Variants in PRP4K observed in about 807,000 individuals in gnomAD.
The protein encoded by PRP4K is pre-mRNA processing factor kinase PRP4K, also known as serine/threonine-protein kinase PRP4 homolog.
the PRP4K span, among the ~76,000 whole-genome samples, chr6:4,045,151 G>A: frequency 6.6e-6 from 1 of 152,146 alleles, no homozygotes; most frequent in Admixed American, 6.5e-5. Flanking sequence ...GAGCCACCAC[G>A]CCCAGCTGAC....
the PRP4K span, chr6:4,058,637 C>G: frequency 1.1e-6 from 1 of 926,660 alleles, no homozygotes; most frequent in East Asian, 2.6e-5. Context: ...GACTAAATAA[C>G]ATACTTATTT....
At chr6:4,029,338 A>C in the PRP4K span, among the ~76,000 whole-genome samples, 2 of 100,478 alleles carry the variant, frequency 2.0e-5, no homozygotes, top group Non-Finnish European at 3.9e-5. Flanking sequence ...GGTGTTACTC[A>C]ATTTTTTTTT....
chr6:4,049,072 C>T, the PRP4K span: 1 of 1,612,662 alleles, frequency 6.2e-7, no homozygotes, highest in Non-Finnish European at 8.5e-7. Flanking sequence ...ATCCCAACCT[C>T]AGAGATAACT....
chr6:4,029,573 G>A, the PRP4K span, among the ~76,000 whole-genome samples: 3 of 151,872 alleles, frequency 2.0e-5, no homozygotes, highest in South Asian at 2.1e-4. Flanking sequence ...GGCTTGTCTC[G>A]AACTCCTGGG....
chr6:4,039,795 C>T, the PRP4K span, among the ~76,000 whole-genome samples: 8 of 152,142 alleles, frequency 5.3e-5, no homozygotes, highest in African/African-American at 1.7e-4. Flanking sequence ...TATCATCTCT[C>T]TTGACATTCT....
chr6:4,061,891 C>A, the PRP4K span: 1 of 152,538 alleles, frequency 6.6e-6, no homozygotes, highest in East Asian at 1.9e-4. Context: ...ATAATAAAGT[C>A]TTTTGTGAAC....
chr6:4,026,703 A>G, the PRP4K span, among the ~76,000 whole-genome samples: 1 of 152,266 alleles, frequency 6.6e-6, no homozygotes, highest in African/African-American at 2.4e-5. Flanking sequence ...GTGAACTAAA[A>G]TGAAAATTCT....
chr6:4,048,386 A>G, the PRP4K span, among the ~76,000 whole-genome samples: 1 of 151,906 alleles, frequency 6.6e-6, no homozygotes, highest in Non-Finnish European at 1.5e-5. Context: ...CTCAAAAAAA[A>G]AAAAAAAAAA....
At chr6:4,033,034 C>T in the PRP4K span, among the ~76,000 whole-genome samples, 1 of 152,112 alleles carries the variant, frequency 6.6e-6, no homozygotes, top group Non-Finnish European at 1.5e-5. Context: ...TTTGCTAAGG[C>T]ACTCCTTTCA....
chr6:4,056,723 T>C, the PRP4K span: 1 of 1,522,076 alleles, frequency 6.6e-7, no homozygotes, highest in African/African-American at 1.4e-5. Context: ...GTATGGGACC[T>C]TTGTTTTTTC....
the PRP4K span, among the ~76,000 whole-genome samples, chr6:4,053,630 T>C: frequency 6.6e-6 from 1 of 152,200 alleles, no homozygotes; most frequent in Non-Finnish European, 1.5e-5. Flanking sequence ...ATGTGATTAA[T>C]GCACACACAC....
the PRP4K span, chr6:4,031,584 A>T: frequency 6.4e-7 from 1 of 1,572,780 alleles, no homozygotes. Flanking sequence ...TTCTGAAAAG[A>T]GTATAAATGA....
At chr6:4,048,501 G>A in the PRP4K span, among the ~76,000 whole-genome samples, 6 of 138,792 alleles carry the variant, frequency 4.3e-5, no homozygotes, top group Non-Finnish European at 1.0e-4. Flanking sequence ...GGGAAGAATG[G>A]TATAACAAAT....
chr6:4,045,334 T>C, the PRP4K span, among the ~76,000 whole-genome samples: 11 of 152,184 alleles, frequency 7.2e-5, no homozygotes, highest in East Asian at 2.1e-3. Context: ...TGGCTCACAG[T>C]CTGTATATAG....
At chr6:4,051,808 A>G in the PRP4K span, 1 of 522,958 alleles carries the variant, frequency 1.9e-6, no homozygotes, top group East Asian at 3.1e-5. Flanking sequence ...TAGAGACACC[A>G]TTTCTCAGTA....
the PRP4K span, chr6:4,063,947 C>G: frequency 6.6e-6 from 1 of 152,066 alleles, no homozygotes; most frequent in South Asian, 2.1e-4. Flanking sequence ...GTGTTAGGTA[C>G]GGCTCTCAAA....
the PRP4K span, among the ~76,000 whole-genome samples, chr6:4,046,414 C>T: frequency 6.6e-6 from 1 of 151,930 alleles, no homozygotes; most frequent in Non-Finnish European, 1.5e-5. Context: ...ATGGTTAAAG[C>T]GACTGGATTT....
chr6:4,042,605 T>C, the PRP4K span: 1 of 1,535,526 alleles, frequency 6.5e-7, no homozygotes, highest in Non-Finnish European at 8.8e-7. Context: ...ATTATTGTAG[T>C]AAAAGATTTT....
the PRP4K span, among the ~76,000 whole-genome samples, chr6:4,037,211 T>C: frequency 6.6e-6 from 1 of 152,162 alleles, no homozygotes; most frequent in Non-Finnish European, 1.5e-5. Context: ...AGACCTTTCA[T>C]TGTTTGCCTG....
Sources: gnomAD v4.1 joint callset for allele counts (sites outside exome capture counted in the v4.1 genomes callset) on GRCh38, gnomAD v4.1.1 for gene constraint, MANE v1.5 for transcripts, NCBI Gene and HGNC (gene_info 2026-07-23, HGNC 2026-07-21) for gene names.